ETFDH: variants seen among roughly 807,000 people sequenced by gnomAD.
The protein encoded by ETFDH is electron transfer flavoprotein-ubiquinone oxidoreductase, mitochondrial.
Under a neutral mutation model 73.2 loss-of-function variants are expected in ETFDH, and 61 were observed. The ratio of observed to expected loss-of-function variants is 0.83; its 90% CI spans 0.68 to 1.03. The LOEUF (loss-of-function observed/expected upper bound fraction) is 1.03. Among genes scored for constraint, ETFDH ranks in the 50% least tolerant of loss-of-function variants. The pLI, the probability that ETFDH is intolerant of heterozygous loss-of-function variation, is 0.00. For synonymous variants in ETFDH, 243 were observed against 253.3 expected (o/e 0.96, Z 0.39); for missense variants, 685 against 745.0 (o/e 0.92, Z 0.94).
intron 6 of ETFDH, among the ~76,000 whole-genome samples, chr4:158,692,874 AT>A (rs1774211278): frequency 1.4e-5 from 1 of 73,774 alleles, no homozygotes; most frequent in African/African-American, 4.4e-5. Context: ...AAAAAAAAAG[AT>A]TAAAAAAAAA....
At chr4:158,686,106 G>A (rs1018840929) in intron 5 of ETFDH, among the ~76,000 whole-genome samples, 5 of 152,120 alleles carry the variant, frequency 3.3e-5, no homozygotes, top group Non-Finnish European at 5.9e-5. Flanking sequence ...GAGAAGAGCC[G>A]CATCCAGTGC....
At chr4:158,698,850 T>C (rs1342168504) in intron 8 of ETFDH, 137 bp from the exon 9 acceptor site, 12 of 624,964 alleles carry the variant, frequency 1.9e-5, no homozygotes, top group Non-Finnish European at 2.9e-5. Flanking sequence ...ACATTTGGAT[T>C]ACTGCACATA....
At chr4:158,702,340 G>GA (rs1049725626) in intron 9 of ETFDH, among the ~76,000 whole-genome samples, 2 of 151,592 alleles carry the variant, frequency 1.3e-5, no homozygotes, top group Admixed American at 1.3e-4. Flanking sequence ...TCTTCTATTT[G>GA]AAAAAAATAA....
chr4:158,687,885 G>A (rs867907777), intron 5 of ETFDH, among the ~76,000 whole-genome samples: 3 of 144,916 alleles, frequency 2.1e-5, no homozygotes, highest in Non-Finnish European at 4.6e-5. Flanking sequence ...CTAAAAATAC[G>A]AAAAATTAGC....
chr4:158,672,548 C>A, intron 1 of ETFDH, 58 bp downstream of exon 1: 2 of 1,550,112 alleles, frequency 1.3e-6, no homozygotes, highest in Non-Finnish European at 1.8e-6. Context: ...GGGACAAGGC[C>A]GGTCCTGGGG....
rs745693501 is a variant in ETFDH, at chr4:158,706,250, TTC to T, written c.1349_1350del (p.Ser450CysfsTer2). On this transcript the variant is annotated frameshift_variant, in exon 11 of 13. Transcript: ENST00000511912. LOFTEE classifies it high-confidence loss of function. ...KNSWVWKELY[S>X]VRNIRPSCHG... ...ACTCATGGGTATGGAAAGAGCTATA[TTC>T]TGTTAGAAATATAAGACCGTCCTGC... 6.2e-7 allele frequency: 1 copy of T among 1,612,346 alleles called. No individual in the cohort carries two copies. Among genetic ancestry groups the T allele is most frequent in the South Asian group, 1.1e-5 (1 of 91,046 alleles).
intron 11 of ETFDH, 63 bp from the exon 12 acceptor site, chr4:158,706,566 A>T: frequency 7.3e-7 from 1 of 1,378,000 alleles, no homozygotes; most frequent in Non-Finnish European, 1.0e-6. Context: ...TTATACAAAT[A>T]GGCTTAAGAA....
intron 5 of ETFDH, among the ~76,000 whole-genome samples, chr4:158,688,600 G>A (rs1774074053): frequency 6.6e-6 from 1 of 151,856 alleles, no homozygotes. Flanking sequence ...GTGAACCCGG[G>A]AGGCAGAGCT....
intron 9 of ETFDH, chr4:158,700,881 TGAGAGG>T (rs1373293508): frequency 1.3e-5 from 2 of 152,008 alleles, no homozygotes; most frequent in African/African-American, 4.8e-5. Flanking sequence ...TTAGGAAGAG[TGAGAGG>T]GAAAGGATGC....
chr4:158,708,389 A>G lies in ETFDH; in HGVS notation c.1716A>G (p.Glu572=), dbSNP rs2126320794. Residue 572 remains glutamate (E), a synonymous_variant, in exon 13 of 13, where the codon GAA becomes GAG. Transcript: ENST00000511912. ...PAGVYEFVPV[E]QGDGFRLQIN... Reference sequence around the variant, plus strand: ...GAGTTTATGAATTTGTACCTGTGGAACAAGGTGATGGATTTCGGTTACAGA... The same window carrying G: ...GAGTTTATGAATTTGTACCTGTGGAGCAAGGTGATGGATTTCGGTTACAGA... 2.5e-6 allele frequency: 4 copies of G among 1,611,044 alleles called. No individual in the cohort carries two copies. Among genetic ancestry groups the G allele is most frequent in the Non-Finnish European group, 1.7e-6 (2 of 1,177,166 alleles).
Position 158,685,765 on chromosome 4 carries a change from G to A in ETFDH, c.606+546G>A, listed in dbSNP as rs557958857. Reference sequence around the variant, plus strand: ...CATAAGCACAAGAGAATGATGACCCGATAACCCAGTGAGGTCCAAATGCTT... The same window carrying A: ...CATAAGCACAAGAGAATGATGACCCAATAACCCAGTGAGGTCCAAATGCTT... On this transcript the variant is annotated intron_variant, in intron 5 of 12. Coordinates refer to ENST00000511912, the MANE Select transcript of ETFDH (RefSeq NM_004453.4). Among the ~76,000 whole-genome samples, 12 of 152,260 alleles carry A rather than the reference G, an allele frequency of 7.9e-5. No homozygotes were observed. In the South Asian group the frequency reaches 8.3e-4, roughly 11 times the overall value.
At position 158,701,747 on chromosome 4, in the gene ETFDH, A is replaced by G. The variant is rs530378267; in HGVS notation, c.1117-1676A>G. Among the ~76,000 whole-genome samples, 242 of 152,344 alleles carry G rather than the reference A, an allele frequency of 1.6e-3. 1 individual carries two copies. The highest frequency in any genetic ancestry group is 2.7e-3 in the Non-Finnish European group (187 of 68,032). On this transcript the variant is annotated intron_variant, in intron 9 of 12. Coordinates refer to ENST00000511912, the MANE Select transcript of ETFDH (RefSeq NM_004453.4). ...CCATGGCTTACTTTAGGAAATCCTC[A>G]GAGAAGAAAAAAATACAGAATGTGG...
chr4:158,679,427 G>A (rs991199889), intron 1 of ETFDH: 1 of 152,100 alleles, frequency 6.6e-6, no homozygotes, highest in Non-Finnish European at 1.5e-5. Flanking sequence ...TAACCCCAGT[G>A]GAGAAGAATA....
At chr4:158,680,419 G>A in intron 1 of ETFDH, 48 bp from the exon 2 acceptor site, 1 of 1,444,612 alleles carries the variant, frequency 6.9e-7, no homozygotes, top group Non-Finnish European at 9.7e-7. Flanking sequence ...AGTCTACTGA[G>A]GAAAACTAAT....
At chr4:158,693,888 G>A (rs1002948887) in intron 6 of ETFDH, among the ~76,000 whole-genome samples, 25 of 152,154 alleles carry the variant, frequency 1.6e-4, no homozygotes, top group African/African-American at 6.0e-4. Flanking sequence ...GGAAAAATGG[G>A]TAGAGTCTAA....
chr4:158,697,594 G>A lies in ETFDH; in HGVS notation c.867G>A (p.Gly289=), dbSNP rs1774343547. 1.2e-6 allele frequency: 2 copies of A among 1,613,402 alleles called. No individual in the cohort carries two copies. Among genetic ancestry groups the A allele is most frequent in the South Asian group, 1.1e-5 (1 of 91,062 alleles). Residue 289 remains glycine, a synonymous_variant, in exon 8 of 13, where the codon GGG becomes GGA. Transcript: ENST00000511912. ...TTGATGAAAAGAACTGGAAACCTGG[G>A]AGAGTAGATCACACTGTTGGTTGGC... is the stretch of plus-strand genomic sequence containing the variant. ...WVIDEKNWKP[G]RVDHTVGWPL...
At chr4:158,698,069 CT>C (rs544837462) in intron 8 of ETFDH, among the ~76,000 whole-genome samples, 158 of 152,350 alleles carry the variant, frequency 1.0e-3, no homozygotes, top group African/African-American at 3.3e-3. Context: ...CTGACCTTGT[CT>C]GACCTCAAAT....
At chr4:158,698,248 T>G (rs1446977244) in intron 8 of ETFDH, among the ~76,000 whole-genome samples, 2 of 152,220 alleles carry the variant, frequency 1.3e-5, no homozygotes, top group Non-Finnish European at 2.9e-5. Flanking sequence ...TTTCTGTACC[T>G]TGCAACTGGT....
chr4:158,697,733 GCTAGAGTTATATTAC>G, intron 8 of ETFDH, 34 bp downstream of exon 8: 1 of 1,587,882 alleles, frequency 6.3e-7, no homozygotes, highest in Non-Finnish European at 8.6e-7. Flanking sequence ...AAATTCTGCT[GCTAGAGTTATATTAC>G]CATCAGTGTT....
Sources: gnomAD v4.1 joint callset for allele counts (sites outside exome capture counted in the v4.1 genomes callset) on GRCh38, gnomAD v4.1.1 for gene constraint, MANE v1.5 for transcripts, NCBI Gene and HGNC (gene_info 2026-07-23, HGNC 2026-07-21) for gene names.